Variants in DNAI7 observed in about 807,000 individuals in gnomAD.
DNAI7 encodes dynein axonemal intermediate chain 7, also known as cancer susceptibility 1.
A neutral mutation model predicts 86.6 loss-of-function variants in DNAI7; 78 were observed. That is an observed-to-expected ratio of 0.90 (90% CI 0.75 to 1.09). The LOEUF (loss-of-function observed/expected upper bound fraction) is 1.09, where lower values mean the gene tolerates loss of function less well. Among genes scored for constraint, DNAI7 ranks in the 50% least tolerant of loss-of-function variants. DNAI7 has a pLI of 0.00. For missense variants in DNAI7, 753 were observed against 810.2 expected (o/e 0.93, Z 0.86); for synonymous variants, 274 against 273.0 (o/e 1.00, Z -0.04).
chr12:25,113,978 C>T (rs1346371752), intron 13 of DNAI7, among the ~76,000 whole-genome samples: 1 of 120,500 alleles, frequency 8.3e-6, no homozygotes, highest in Non-Finnish European at 1.6e-5. Context: ...CAGAGTTTCA[C>T]TCTGTTGCCC....
At chr12:25,112,409 T>G (rs1290998432) in intron 13 of DNAI7, among the ~76,000 whole-genome samples, 3 of 141,230 alleles carry the variant, frequency 2.1e-5, no homozygotes, top group South Asian at 2.3e-4. Context: ...GTTTTTTTTT[T>G]TTTTTTTTTT....
chr12:25,107,059 T>A, downstream of DNAI7: 1 of 1,465,208 alleles, frequency 6.8e-7, no homozygotes, highest in Non-Finnish European at 9.5e-7. Flanking sequence ...GTGTAAGTTA[T>A]CTACTTGATA....
intron 2 of DNAI7, among the ~76,000 whole-genome samples, chr12:25,175,392 G>T (rs546917601): frequency 6.6e-6 from 1 of 151,894 alleles, no homozygotes; most frequent in Non-Finnish European, 1.5e-5. Context: ...TTTTTGAGAC[G>T]GACTCTCGCT....
intron 11 of DNAI7, among the ~76,000 whole-genome samples, chr12:25,120,421 A>G (rs1485217279): frequency 6.6e-6 from 1 of 151,792 alleles, no homozygotes; most frequent in Non-Finnish European, 1.5e-5. Flanking sequence ...CACGAGGTTA[A>G]GTTAAAAATA....
chr12:25,183,244 C>T (rs73071274), intron 2 of DNAI7, among the ~76,000 whole-genome samples: 72 of 151,700 alleles, frequency 4.7e-4, no homozygotes, highest in Non-Finnish European at 9.6e-4. Flanking sequence ...GGGGAGGGAG[C>T]GGGGACAAGG....
At chr12:25,114,262 T>C (rs957901555) in intron 13 of DNAI7, among the ~76,000 whole-genome samples, 1 of 152,176 alleles carries the variant, frequency 6.6e-6, no homozygotes, top group African/African-American at 2.4e-5. Flanking sequence ...TTCTGACTGA[T>C]GAGCAATAGG....
At position 25,114,723 on chromosome 12, in the gene DNAI7, G is replaced by A. The variant is rs1342073823; in HGVS notation, c.1544C>T (p.Pro515Leu). ...TAAAAGTACTTTATTTACATCAAGT[G>A]GTCTTAGTTCCCATGACTGGTACGG... Reference protein sequence around the residue: ...NMPYQSWELRPLDVNKVLLTV... With the variant: ...NMPYQSWELRLLDVNKVLLTV... The change falls in exon 13 of 16, where the codon CCA becomes CTA. Residue 515 changes from proline to leucine, a missense_variant. Pro to Leu is a moderately conservative substitution (Grantham distance 98). Transcript: ENST00000395987. 6 of 1,613,650 alleles carry A rather than the reference G, an allele frequency of 3.7e-6. 1 individual carries two copies. The South Asian group carries it at 6.6e-5, about 18-fold the overall frequency.
In DNAI7 at chr12:25,140,173, T is replaced by C. The variant is rs568854576; in HGVS notation, c.1002+4192A>G. Among the ~76,000 whole-genome samples the C allele has an allele frequency of 1.4e-4, 22 of 152,228 alleles. No individual in the cohort carries two copies. In the South Asian group the frequency reaches 4.6e-3, roughly 32 times the overall value. On this transcript the variant is annotated intron_variant, in intron 9 of 15. Coordinates refer to ENST00000395987, the MANE Select transcript of DNAI7 (RefSeq NM_018272.5). ...CCCCTTTCACAACTTCTATTCAACATAGTACTGGAAGTCCTAGCCAGAGCA... is the reference window on the plus strand; with the variant it reads ...CCCCTTTCACAACTTCTATTCAACACAGTACTGGAAGTCCTAGCCAGAGCA...
chr12:25,160,633 G>A (rs1232128964), intron 3 of DNAI7, among the ~76,000 whole-genome samples: 1 of 152,180 alleles, frequency 6.6e-6, no homozygotes, highest in Non-Finnish European at 1.5e-5. Context: ...AGGCGCCAGG[G>A]ATAAGAACCC....
intron 9 of DNAI7, among the ~76,000 whole-genome samples, chr12:25,137,837 A>G (rs11531007): frequency 0.12 from 17,569 of 152,148 alleles, 1,362 homozygotes; most frequent in Admixed American, 0.16. Context: ...CCAACAGGAA[A>G]ATATTACATT....
At chr12:25,129,919 T>C (rs1942673414) in intron 9 of DNAI7, among the ~76,000 whole-genome samples, 1 of 152,076 alleles carries the variant, frequency 6.6e-6, no homozygotes, top group East Asian at 1.9e-4. Flanking sequence ...CCTGCCACCA[T>C]ACCTGGCTAA....
intron 2 of DNAI7, among the ~76,000 whole-genome samples, chr12:25,164,002 G>A (rs1028812587): frequency 6.6e-6 from 1 of 152,214 alleles, no homozygotes; most frequent in African/African-American, 2.4e-5. Flanking sequence ...GGGGATGGCT[G>A]CCTGATTATT....
At chr12:25,177,409 G>A (rs2084037667) in intron 2 of DNAI7, among the ~76,000 whole-genome samples, 1 of 152,052 alleles carries the variant, frequency 6.6e-6, no homozygotes, top group Non-Finnish European at 1.5e-5. Flanking sequence ...ATATCTAAGT[G>A]GAAAAATACA....
chr12:25,119,161 T>G lies in DNAI7; in HGVS notation c.1380A>C (p.Val460=). 4 of 1,604,742 alleles carry G rather than the reference T, an allele frequency of 2.5e-6. No homozygotes were observed. The highest frequency in any genetic ancestry group is 3.4e-6 in the Non-Finnish European group (4 of 1,177,586). The change falls in exon 12 of 16, where the codon GTA becomes GTC. Residue 460 remains valine (V), a synonymous_variant. Transcript: ENST00000395987. Reference sequence around the variant, plus strand: ...AAGCTGTACCTTCAGCATCCCACCTTACAACCACAGGATCCTCAAAAAAGA... The same window carrying G: ...AAGCTGTACCTTCAGCATCCCACCTGACAACCACAGGATCCTCAAAAAAGA... ...NVIFFEDPVV[V]RWDAEGKHWR... is the part of the protein sequence containing the mutation.
At chr12:25,130,217 C>T (rs1432236561) in intron 9 of DNAI7, among the ~76,000 whole-genome samples, 1 of 152,058 alleles carries the variant, frequency 6.6e-6, no homozygotes, top group African/African-American at 2.4e-5. Context: ...TAAATGTTTG[C>T]CAATAACATA....
At chr12:25,159,755 A>G (rs1946625484) in intron 3 of DNAI7, among the ~76,000 whole-genome samples, 1 of 152,162 alleles carries the variant, frequency 6.6e-6, no homozygotes, top group African/African-American at 2.4e-5. Context: ...GCCCCAAGAT[A>G]TAGATCCTGA....
intron 9 of DNAI7, among the ~76,000 whole-genome samples, chr12:25,128,950 AGCC>A (rs1942504717): frequency 6.6e-6 from 1 of 152,180 alleles, no homozygotes; most frequent in African/African-American, 2.4e-5. Context: ...TTACAATAAA[AGCC>A]TAAATTCTCA....
intron 2 of DNAI7, among the ~76,000 whole-genome samples, chr12:25,170,178 G>A (rs989285206): frequency 1.1e-4 from 17 of 151,996 alleles, no homozygotes; most frequent in African/African-American, 4.1e-4. Context: ...ATCACCTGAG[G>A]TCAGGAGTTC....
At chr12:25,117,570 C>T (rs1231309139) in intron 12 of DNAI7, among the ~76,000 whole-genome samples, 1 of 152,018 alleles carries the variant, frequency 6.6e-6, no homozygotes, top group African/African-American at 2.4e-5. Flanking sequence ...CATTAACTCA[C>T]CAGACCAAGA....
Sources: gnomAD v4.1 joint callset for allele counts (sites outside exome capture counted in the v4.1 genomes callset) on GRCh38, gnomAD v4.1.1 for gene constraint, MANE v1.5 for transcripts, NCBI Gene and HGNC (gene_info 2026-07-23, HGNC 2026-07-21) for gene names.